EPHB1: variants seen among roughly 807,000 people sequenced by gnomAD.
EPHB1 encodes the protein ephrin type-B receptor 1.
In EPHB1, 30 loss-of-function variants were observed where a neutral mutation model predicts 94.4. The ratio of observed to expected loss-of-function variants is 0.32; its 90% CI spans 0.24 to 0.43. The LOEUF is 0.43. EPHB1 is among the 20% of genes least tolerant of loss of function. The pLI, the probability that EPHB1 is intolerant of heterozygous loss-of-function variation, is 1.00. For synonymous variants in EPHB1, 522 were observed against 489.1 expected, an observed-to-expected ratio of 1.07 and a Z score of -0.89; for missense variants, 1,055 against 1,308.3, an observed-to-expected ratio of 0.81 and a Z score of 2.99.
At chr3:135,138,311 C>T (rs148220734) in intron 5 of EPHB1, among the ~76,000 whole-genome samples, 104 of 152,296 alleles carry the variant, frequency 6.8e-4, no homozygotes, top group African/African-American at 2.5e-3. Flanking sequence ...AGTTCTTAGA[C>T]AGTTAAAATC....
chr3:135,061,368 A>ACCCCCCCCCCCCCCCCCCCCC (rs34282243), intron 3 of EPHB1, among the ~76,000 whole-genome samples: 1 of 111,372 alleles, frequency 9.0e-6, no homozygotes, highest in Admixed American at 1.0e-4. Context: ...AGGAATGACC[A>ACCCCCCCCCCCCCCCCCCCCC]CCCCCCCCGA....
intron 1 of EPHB1, among the ~76,000 whole-genome samples, chr3:134,863,122 T>C (rs1217632732): frequency 6.6e-6 from 1 of 152,222 alleles, no homozygotes; most frequent in African/African-American, 2.4e-5. Context: ...GTGCACACAC[T>C]GTGCACACTG....
In EPHB1 at chr3:134,920,156, G is replaced by A. The variant is rs184623894; in HGVS notation, c.59-5660G>A. On this transcript the variant is annotated intron_variant, in intron 1 of 15. Coordinates refer to ENST00000398015, the MANE Select transcript of EPHB1 (RefSeq NM_004441.5). ...TGGGATGTCTGTCTATTCCCTGTTC[G>A]TCTCTGCTTGCACAGCACTCCCTTC... 3.8e-4 allele frequency among the ~76,000 whole-genome samples: 58 copies of A among 152,150 alleles called. 1 individual carries two copies. Among genetic ancestry groups the A allele is most frequent in the East Asian group, 1.2e-3 (6 of 5,174 alleles).
intron 15 of EPHB1, 92 bp from the exon 16 acceptor site, chr3:135,258,920 C>T (rs549767670): frequency 7.3e-5 from 83 of 1,131,570 alleles, no homozygotes; most frequent in Admixed American, 1.1e-4. Context: ...AGCATGGCTA[C>T]TTCCCAAGAA....
Position 135,249,449 on chromosome 3 carries a change from C to G in EPHB1, c.2804C>G (p.Ala935Gly). 1 of 1,614,024 alleles carries G rather than the reference C, an allele frequency of 6.2e-7. No homozygotes were observed. Among genetic ancestry groups the G allele is most frequent in the Non-Finnish European group, 8.5e-7 (1 of 1,179,882 alleles). The change falls in exon 15 of 16, where the codon GCT becomes GGT. Residue 935 changes from alanine (A) to glycine (G), a missense_variant. Coordinates refer to ENST00000398015, the MANE Select transcript of EPHB1 (RefSeq NM_004441.5). ...MVQYRDSFLT[A>G]GFTSLQLVTQ... is the part of the protein sequence containing the mutation. Reference sequence around the variant, plus strand: ...CAGTACAGGGACAGCTTCCTCACTGCTGGCTTCACCTCCCTCCAGCTGGTC... The same window carrying G: ...CAGTACAGGGACAGCTTCCTCACTGGTGGCTTCACCTCCCTCCAGCTGGTC...
At chr3:134,988,797 C>A (rs149273525) in intron 3 of EPHB1, among the ~76,000 whole-genome samples, 2 of 152,106 alleles carry the variant, frequency 1.3e-5, no homozygotes, top group African/African-American at 4.8e-5. Flanking sequence ...AATTTCTGTT[C>A]TAGGATATTC....
intron 1 of EPHB1, among the ~76,000 whole-genome samples, chr3:134,873,611 TCTC>T (rs1184634674): frequency 3.9e-5 from 6 of 152,344 alleles, no homozygotes; most frequent in African/African-American, 1.4e-4. Context: ...TTGATGGTCT[TCTC>T]CTTAGTTTGA....
intron 4 of EPHB1, among the ~76,000 whole-genome samples, chr3:135,122,357 C>T (rs1245078560): frequency 6.6e-6 from 1 of 152,126 alleles, no homozygotes; most frequent in Non-Finnish European, 1.5e-5. Context: ...TGCTGCATTT[C>T]AGGGGTATGA....
chr3:135,199,642 A>G (rs956790643), intron 11 of EPHB1, among the ~76,000 whole-genome samples: 1 of 152,240 alleles, frequency 6.6e-6, no homozygotes, highest in Admixed American at 6.5e-5. Context: ...TTCTACTGGC[A>G]GACATCTTTA....
At chr3:135,079,336 ACTTCTGC>A (rs1559821487) in intron 3 of EPHB1, among the ~76,000 whole-genome samples, 1 of 152,080 alleles carries the variant, frequency 6.6e-6, no homozygotes, top group African/African-American at 2.4e-5. Flanking sequence ...ATATGAGGAG[ACTTCTGC>A]CTTCATTCAA....
chr3:134,957,994 G>T (rs984367138), intron 3 of EPHB1, among the ~76,000 whole-genome samples: 4 of 152,136 alleles, frequency 2.6e-5, no homozygotes, highest in African/African-American at 9.7e-5. Context: ...GTTATGGCTG[G>T]TGATCCCACC....
At chr3:135,171,156 C>A (rs548514952) in intron 9 of EPHB1, among the ~76,000 whole-genome samples, 1 of 151,962 alleles carries the variant, frequency 6.6e-6, no homozygotes, top group South Asian at 2.1e-4. Flanking sequence ...TGGGAACCCC[C>A]AAAGTTTCAT....
chr3:134,945,989 A>C (rs902119502), intron 2 of EPHB1, among the ~76,000 whole-genome samples: 1 of 152,208 alleles, frequency 6.6e-6, no homozygotes, highest in African/African-American at 2.4e-5. Flanking sequence ...ATTCCTAAGG[A>C]TCTGGGAAGC....
intron 3 of EPHB1, among the ~76,000 whole-genome samples, chr3:134,965,008 T>C (rs551363739): frequency 6.6e-6 from 1 of 152,340 alleles, no homozygotes; most frequent in South Asian, 2.1e-4. Context: ...TTACAAGTGA[T>C]TTTGTCATCA....
chr3:135,028,588 GAT>G (rs1936286032), intron 3 of EPHB1, among the ~76,000 whole-genome samples: 1 of 146,946 alleles, frequency 6.8e-6, no homozygotes, highest in Admixed American at 6.9e-5. Flanking sequence ...TGGTCTGAGA[GAT>G]AGTTTGTTAT....
chr3:135,225,443 A>G (rs1875370), intron 12 of EPHB1, among the ~76,000 whole-genome samples: 107,321 of 152,084 alleles, frequency 0.71, 39,688 homozygotes, highest in Middle Eastern at 0.88. Flanking sequence ...CTGTGATGCC[A>G]TCAAAATGAG....
At chr3:134,903,688 C>T (rs2038253436) in intron 1 of EPHB1, among the ~76,000 whole-genome samples, 2 of 152,016 alleles carry the variant, frequency 1.3e-5, no homozygotes, top group African/African-American at 2.4e-5. Context: ...ATGATGGGGC[C>T]TTGGTAAATG....
chr3:134,867,783 T>C (rs1021727371), intron 1 of EPHB1, among the ~76,000 whole-genome samples: 16 of 152,176 alleles, frequency 1.1e-4, no homozygotes, highest in Non-Finnish European at 2.9e-5. Flanking sequence ...GCAGTTCACT[T>C]CAAGTTTGGA....
At chr3:134,820,030 G>C (rs2036351006) in intron 1 of EPHB1, among the ~76,000 whole-genome samples, 1 of 152,202 alleles carries the variant, frequency 6.6e-6, no homozygotes, top group East Asian at 1.9e-4. Context: ...TGAGGCCCGT[G>C]GTGGGGTTCT....
Sources: gnomAD v4.1 joint callset for allele counts (sites outside exome capture counted in the v4.1 genomes callset) on GRCh38, gnomAD v4.1.1 for gene constraint, MANE v1.5 for transcripts, NCBI Gene and HGNC (gene_info 2026-07-23, HGNC 2026-07-21) for gene names.